The following SOX5 variants were observed in gnomAD, a reference collection of about 807,000 sequenced individuals.
The protein encoded by SOX5 is transcription factor SOX-5.
SOX5 carries 9 observed loss-of-function variants against 92.0 expected under a neutral mutation model. That is an observed-to-expected ratio of 0.10 (90% CI 0.06 to 0.17). SOX5 has a LOEUF of 0.17. Ranked by LOEUF, SOX5 falls within the 10% of genes least tolerant of loss-of-function variation. The probability of loss-of-function intolerance (pLI) is 1.00; values close to 1 mark genes in which losing one functional copy is unlikely to be tolerated. For missense variants in SOX5, 642 were observed against 944.5 expected (o/e 0.68, Z 4.20); for synonymous variants, 344 against 336.3 (o/e 1.02, Z -0.25).
At position 23,696,184 on chromosome 12, in the gene SOX5, A is replaced by T. The variant is rs542139995; in HGVS notation, c.811-30620T>A. Among the ~76,000 whole-genome samples the T allele has an allele frequency of 4.9e-4, 75 of 152,022 alleles. 1 individual carries two copies. Among genetic ancestry groups the T allele is most frequent in the African/African-American group, 1.6e-3 (68 of 41,448 alleles). On this transcript the variant is annotated intron_variant, in intron 6 of 14. Coordinates refer to ENST00000451604, the MANE Select transcript of SOX5 (RefSeq NM_006940.6). ...TATTCATTCTTCTTCTACATTCTGA[A>T]AGTTTGTATAAAATTGGCATTTTTT...
At chr12:24,019,275 A>G (rs1954024204) in intron 4 of SOX5, among the ~76,000 whole-genome samples, 1 of 152,174 alleles carries the variant, frequency 6.6e-6, no homozygotes, top group Admixed American at 6.6e-5. Flanking sequence ...GCCCAAATAT[A>G]ATGCATTGAA....
intron 1 of SOX5, among the ~76,000 whole-genome samples, chr12:23,896,343 T>C (rs973808808): frequency 8.5e-5 from 13 of 152,148 alleles, no homozygotes; most frequent in Non-Finnish European, 1.9e-4. Flanking sequence ...AAAATACCCA[T>C]CTAGTTTTAC....
chr12:23,599,881 T>C (rs1324855337), intron 9 of SOX5, among the ~76,000 whole-genome samples: 2 of 152,184 alleles, frequency 1.3e-5, no homozygotes, highest in African/African-American at 4.8e-5. Context: ...AACAAATGTA[T>C]CGAAAGATCA....
At chr12:23,903,125 C>A (rs1320217035) in intron 1 of SOX5, among the ~76,000 whole-genome samples, 1 of 151,984 alleles carries the variant, frequency 6.6e-6, no homozygotes, top group Non-Finnish European at 1.5e-5. Flanking sequence ...TACTATGTGC[C>A]CGTTAGACAG....
intron 4 of SOX5, among the ~76,000 whole-genome samples, chr12:24,070,324 A>C (rs927710870): frequency 1.3e-5 from 2 of 152,196 alleles, no homozygotes; most frequent in African/African-American, 4.8e-5. Flanking sequence ...ATACAGAAAG[A>C]AAGAGGCAAC....
At chr12:23,645,910 A>G (rs917603294) in intron 7 of SOX5, among the ~76,000 whole-genome samples, 2 of 152,234 alleles carry the variant, frequency 1.3e-5, no homozygotes, top group African/African-American at 4.8e-5. Flanking sequence ...AAAGCAAGTT[A>G]TGCACACTTT....
At chr12:23,738,973 A>G (rs1170459919) in intron 5 of SOX5, among the ~76,000 whole-genome samples, 2 of 152,238 alleles carry the variant, frequency 1.3e-5, no homozygotes, top group Non-Finnish European at 2.9e-5. Context: ...TAAAAATAAA[A>G]CGAACATCTT....
intron 2 of SOX5, among the ~76,000 whole-genome samples, chr12:24,304,608 C>T (rs1948363697): frequency 6.6e-6 from 1 of 152,078 alleles, no homozygotes; most frequent in Non-Finnish European, 1.5e-5. Flanking sequence ...CGCTCTTGGG[C>T]CATGTTCTCT....
intron 1 of SOX5, among the ~76,000 whole-genome samples, chr12:24,525,294 T>C (rs1168863435): frequency 6.6e-6 from 1 of 152,106 alleles, no homozygotes; most frequent in African/African-American, 2.4e-5. Context: ...CACAGACAAA[T>C]ACTGCATGAG....
chr12:24,461,576 A>T (rs1260197673), intron 1 of SOX5, among the ~76,000 whole-genome samples: 1 of 152,238 alleles, frequency 6.6e-6, no homozygotes, highest in Non-Finnish European at 1.5e-5. Flanking sequence ...TGAAGATAAC[A>T]ATAGTCCTTT....
chr12:24,323,473 T>A (rs1281648282), intron 2 of SOX5, among the ~76,000 whole-genome samples: 1 of 151,872 alleles, frequency 6.6e-6, no homozygotes, highest in Non-Finnish European at 1.5e-5. Context: ...CAAAGAACCA[T>A]TTTTAATGTC....
chr12:24,373,604 T>A (rs1194974346), intron 1 of SOX5, among the ~76,000 whole-genome samples: 2 of 152,232 alleles, frequency 1.3e-5, no homozygotes, highest in Admixed American at 6.5e-5. Context: ...ATTACATTTA[T>A]AAAGTAGAAT....
chr12:23,879,101 A>G (rs138790828), intron 2 of SOX5, among the ~76,000 whole-genome samples: 4 of 152,312 alleles, frequency 2.6e-5, no homozygotes, highest in Middle Eastern at 3.4e-3. Context: ...GTTTTAATAT[A>G]TGAGTGTTCA....
chr12:23,928,836 C>A (rs938548465), intron 1 of SOX5, among the ~76,000 whole-genome samples: 3 of 151,708 alleles, frequency 2.0e-5, no homozygotes, highest in African/African-American at 7.2e-5. Context: ...AAATTTGGAA[C>A]TTAAAGATCA....
intron 7 of SOX5, among the ~76,000 whole-genome samples, chr12:23,655,944 A>G (rs1224004926): frequency 6.6e-6 from 1 of 152,156 alleles, no homozygotes; most frequent in African/African-American, 2.4e-5. Context: ...ACAGGAGTAT[A>G]TATTTAATGA....
At chr12:24,245,794 T>C (rs886732234) in intron 3 of SOX5, among the ~76,000 whole-genome samples, 1 of 152,030 alleles carries the variant, frequency 6.6e-6, no homozygotes, top group Admixed American at 6.6e-5. Flanking sequence ...ATAGAGAATA[T>C]AGAGCAGCTA....
At position 23,531,145 on chromosome 12, in the gene SOX5, T is replaced by C. The variant is rs1938997051; in HGVS notation, c.*3074A>G. The C allele has an allele frequency of 6.6e-6, 1 of 152,166 alleles. No homozygotes were observed. The highest frequency in any genetic ancestry group is 1.5e-5 in the Non-Finnish European group (1 of 68,032). 9.4% of individuals were successfully genotyped at this position (152,166 alleles called of 1,614,324 possible). A position where few individuals can be genotyped will look rare whatever the true frequency, so the allele number is the denominator to read the frequency against. On this transcript the variant is annotated 3_prime_UTR_variant, in exon 15 of 15. Transcript: ENST00000451604. ...TAACTATTTTTGCTTTTGTTTTCTT[T>C]TGGGGAAAACTAGGGCAAAGAAAAT... is the stretch of plus-strand genomic sequence containing the variant.
intron 1 of SOX5, among the ~76,000 whole-genome samples, chr12:24,376,647 G>A (rs1206536884): frequency 1.6e-5 from 2 of 129,030 alleles, no homozygotes; most frequent in African/African-American, 6.0e-5. Flanking sequence ...ATTGTCATGT[G>A]TTACCTGGCT....
At chr12:23,813,651 C>T (rs2095922014) in intron 3 of SOX5, among the ~76,000 whole-genome samples, 1 of 152,112 alleles carries the variant, frequency 6.6e-6, no homozygotes, top group Non-Finnish European at 1.5e-5. Flanking sequence ...ATAAAAATGA[C>T]ATATTTTAAA....
Sources: allele counts gnomAD v4.1 joint callset (sites outside exome capture counted in the v4.1 genomes callset), GRCh38; gene constraint gnomAD v4.1.1; transcripts MANE v1.5; gene names NCBI Gene and HGNC (gene_info 2026-07-23, HGNC 2026-07-21).